Variants in MATN2 observed in about 807,000 individuals in gnomAD.
MATN2 encodes matrilin-2.
Under a neutral mutation model 103.2 loss-of-function variants are expected in MATN2, and 69 were observed. The observed-to-expected ratio is 0.67, with a 90% CI of 0.55 to 0.82. MATN2 has a LOEUF of 0.82. Ranked by LOEUF, MATN2 falls within the 40% of genes least tolerant of loss-of-function variation. The pLI, the probability that MATN2 is intolerant of heterozygous loss-of-function variation, is 0.00. For missense variants in MATN2, 1,023 were observed against 1,211.5 expected (o/e 0.84, Z 2.31); for synonymous variants, 429 against 450.2 (o/e 0.95, Z 0.60).
intron 4 of MATN2, among the ~76,000 whole-genome samples, chr8:97,948,305 G>A (rs1460869101): frequency 6.6e-6 from 1 of 152,166 alleles, no homozygotes; most frequent in African/African-American, 2.4e-5. Context: ...AGTGTCATGG[G>A]TATTGACTTG....
At chr8:97,987,276 C>T (rs140188609) in intron 6 of MATN2, among the ~76,000 whole-genome samples, 87 of 152,146 alleles carry the variant, frequency 5.7e-4, no homozygotes, top group African/African-American at 1.9e-3. Context: ...CAACACACAC[C>T]GGGGCCTGTA....
intron 10 of MATN2, among the ~76,000 whole-genome samples, chr8:98,012,807 G>T (rs927124292): frequency 1.3e-5 from 2 of 152,192 alleles, no homozygotes; most frequent in African/African-American, 4.8e-5. Context: ...CTGCCCCCAG[G>T]ACAGCTAAGA....
chr8:97,978,914 C>T lies in MATN2; in HGVS notation c.987C>T (p.His329=), dbSNP rs369817801. 106 of 1,613,664 alleles carry T rather than the reference C, an allele frequency of 6.6e-5. 1 individual carries two copies. The African/African-American group carries it at 7.6e-4, about 12-fold the overall frequency. Residue 329 remains histidine (H), a synonymous_variant, in exon 6 of 19, where the codon CAC becomes CAT. Coordinates refer to ENST00000254898, the MANE Select transcript of MATN2 (RefSeq NM_002380.5). ...TGGACTACTGTGCCTCAGAAAACCA[C>T]GGATGTGAACATGAGTGTGTAAATG... ...VAVDYCASEN[H]GCEHECVNAD...
chr8:97,937,195 G>T (rs1810400698), intron 3 of MATN2, among the ~76,000 whole-genome samples: 1 of 152,188 alleles, frequency 6.6e-6, no homozygotes, highest in African/African-American at 2.4e-5. Flanking sequence ...GGCCAGGAGT[G>T]AGACTACCTC....
rs755858611 is a variant in MATN2 at position 97,941,912 on chromosome 8, T to C, written c.835+13T>C. On this transcript the variant is annotated intron_variant, in intron 4 of 18. Coordinates refer to ENST00000254898, the MANE Select transcript of MATN2 (RefSeq NM_002380.5). ...ACGACTTGCAGAAGTAAGATTGCTTTGCTGATGTATTTGTGGTTTCTTCCT... is the reference window on the plus strand; with the variant it reads ...ACGACTTGCAGAAGTAAGATTGCTTCGCTGATGTATTTGTGGTTTCTTCCT... 1.6e-5 allele frequency: 26 copies of C among 1,611,858 alleles called. No individual in the cohort carries two copies. The highest frequency in any genetic ancestry group is 2.2e-5 in the Non-Finnish European group (26 of 1,178,518).
At position 97,929,009 on chromosome 8, in the gene MATN2, C is replaced by T. The variant is rs140674728; in HGVS notation, c.143-1944C>T. On this transcript the variant is annotated intron_variant, in intron 2 of 18. Transcript: ENST00000254898. ...ATGTTAGGTTTCATATAGATCTTAT[C>T]GCTGAACCCTCAAAGGCTCACTTTC... Among the ~76,000 whole-genome samples the T allele has an allele frequency of 6.4e-4, 97 of 152,264 alleles. 2 individuals are homozygous for T. The Middle Eastern group carries it at 0.02, about 32-fold the overall frequency.
At chr8:97,872,774 G>A (rs1230365391) in intron 1 of MATN2, among the ~76,000 whole-genome samples, 1 of 150,312 alleles carries the variant, frequency 6.7e-6, no homozygotes, top group Non-Finnish European at 1.5e-5. Flanking sequence ...TAATTCCTAA[G>A]TTAATCACAT....
chr8:98,018,242 C>A, intron 12 of MATN2, 126 bp downstream of exon 12: 1 of 1,269,396 alleles, frequency 7.9e-7, no homozygotes, highest in Non-Finnish European at 1.1e-6. Flanking sequence ...GCCTTGGGTG[C>A]TCTGAAAGTG....
rs1389671058 is a variant in MATN2 at position 97,888,235 on chromosome 8, C to A, written c.135C>A (p.Ala45=). ...GRHARTHPQT[A]LLESSCENKR... The stretch of plus-strand genomic sequence containing the variant: ...ACGCTCGGACCCACCCGCAGACGGC[C>A]CTTCTGGGTGAGTGGTGGTGCTCAC... The change falls in exon 2 of 19, where the codon GCC becomes GCA. Residue 45 remains alanine (A), a synonymous_variant. Transcript: ENST00000254898. 16 of 1,555,554 alleles carry A rather than the reference C, an allele frequency of 1.0e-5. No homozygotes were observed. The Admixed American group carries it at 2.5e-4, about 24-fold the overall frequency.
At chr8:97,886,951 G>A (rs1818450524) in intron 1 of MATN2, among the ~76,000 whole-genome samples, 1 of 151,710 alleles carries the variant, frequency 6.6e-6, no homozygotes, top group East Asian at 1.9e-4. Flanking sequence ...CCAGGCTGGA[G>A]TGTAGTGGTG....
intron 6 of MATN2, among the ~76,000 whole-genome samples, chr8:97,993,660 AG>A (rs1244890932): frequency 5.3e-5 from 8 of 152,174 alleles, no homozygotes; most frequent in Non-Finnish European, 1.0e-4. Context: ...TGTGCAGCTG[AG>A]CCCAATGAGG....
intron 3 of MATN2, among the ~76,000 whole-genome samples, chr8:97,933,087 A>G (rs1363124898): frequency 6.6e-6 from 1 of 152,228 alleles, no homozygotes; most frequent in Admixed American, 6.5e-5. Context: ...AACTTCAAAA[A>G]GCACAGAGAT....
chr8:97,985,683 A>G (rs958641394), intron 6 of MATN2, among the ~76,000 whole-genome samples: 25 of 152,224 alleles, frequency 1.6e-4, no homozygotes, highest in Admixed American at 1.5e-3. Flanking sequence ...GTGAAATTCT[A>G]TGAAATAAAA....
At chr8:97,989,207 C>T (rs1009186742) in intron 6 of MATN2, among the ~76,000 whole-genome samples, 1 of 152,154 alleles carries the variant, frequency 6.6e-6, no homozygotes, top group African/African-American at 2.4e-5. Flanking sequence ...TGGTGGCTCA[C>T]GCCTGTAATC....
intron 5 of MATN2, among the ~76,000 whole-genome samples, chr8:97,967,691 G>C (rs770807935): frequency 6.6e-6 from 1 of 152,260 alleles, no homozygotes; most frequent in Non-Finnish European, 1.5e-5. Context: ...CCGCCCCTGT[G>C]GTTGCAGGGT....
chr8:98,002,156 T>A (rs919593528), intron 7 of MATN2, among the ~76,000 whole-genome samples: 5 of 152,238 alleles, frequency 3.3e-5, no homozygotes, highest in Non-Finnish European at 7.3e-5. Context: ...GTGTGGGGTC[T>A]TATGGCTTTA....
chr8:97,945,423 A>G (rs2513847), intron 4 of MATN2, among the ~76,000 whole-genome samples: 147,878 of 152,172 alleles, frequency 0.97, 71,946 homozygotes, highest in Non-Finnish European at 1. Flanking sequence ...TTATGTCCTC[A>G]CTCTTGGCCA....
At position 98,021,346 on chromosome 8, in the gene MATN2, GCTCT is replaced by G. The variant is rs773731482; in HGVS notation, c.1942+22_1942+25del. 3.7e-6 allele frequency: 6 copies of G among 1,607,200 alleles called. No individual in the cohort carries two copies. Among genetic ancestry groups the G allele is most frequent in the Non-Finnish European group, 5.1e-6 (6 of 1,176,754 alleles). On this transcript the variant is annotated intron_variant, in intron 13 of 18. Transcript: ENST00000254898. ...TGCAAGAGTAAGTGATCTGAACTTG[GCTCT>G]CTGCTTTAATTTTGTTTTGGAGCAA...
chr8:97,944,955 C>A (rs1045968857), intron 4 of MATN2, among the ~76,000 whole-genome samples: 3 of 152,234 alleles, frequency 2.0e-5, no homozygotes, highest in Non-Finnish European at 4.4e-5. Flanking sequence ...GCTTGCCATT[C>A]ATTCTTCCAT....
Sources: allele counts gnomAD v4.1 joint callset (sites outside exome capture counted in the v4.1 genomes callset), GRCh38; gene constraint gnomAD v4.1.1; transcripts MANE v1.5; gene names NCBI Gene and HGNC (gene_info 2026-07-23, HGNC 2026-07-21).